ZNF165: variants seen among roughly 807,000 people sequenced by gnomAD.
The protein encoded by ZNF165 is zinc finger protein 165, also known as cancer/testis antigen 53.
A neutral mutation model predicts 19.6 loss-of-function variants in ZNF165; 14 were observed. That is an observed-to-expected ratio of 0.71 (90% CI 0.47 to 1.12). The LOEUF (loss-of-function observed/expected upper bound fraction) is 1.12, where lower values mean the gene tolerates loss of function less well. Among genes scored for constraint, ZNF165 ranks in the 50% most tolerant of loss-of-function variants. The probability of loss-of-function intolerance (pLI) is 0.00; values close to 1 mark genes in which losing one functional copy is unlikely to be tolerated. For synonymous variants in ZNF165, 165 were observed against 195.0 expected (o/e 0.85, Z 1.28); for missense variants, 504 against 566.3 (o/e 0.89, Z 1.12).
Position 28,089,123 on chromosome 6 carries a change from T to C in ZNF165, c.1111T>C (p.Cys371Arg), listed in dbSNP as rs2113689900. 1.2e-6 allele frequency: 2 copies of C among 1,614,078 alleles called. No homozygotes were observed. The highest frequency in any genetic ancestry group is 2.2e-5 in the East Asian group (1 of 44,882). ...RHQRIHTGER[C>R]YECNECGKSF... ...TCAGAGAATCCACACTGGAGAGAGA[T>C]GCTATGAATGTAATGAATGTGGGAA... Residue 371 changes from cysteine to arginine, a missense_variant, in exon 4 of 4, where the codon TGC becomes CGC. By Grantham distance (180) the Cys-to-Arg change is radical. Transcript: ENST00000683778.
At chr6:28,087,833 G>A (rs1234800371) in intron 3 of ZNF165, among the ~76,000 whole-genome samples, 4 of 152,138 alleles carry the variant, frequency 2.6e-5, no homozygotes, top group African/African-American at 9.7e-5. Context: ...AGAGATTCAA[G>A]GTTTTTGAGT....
At chr6:28,086,135 T>C in intron 2 of ZNF165, 37 bp from the exon 3 acceptor site, 1 of 1,585,996 alleles carries the variant, frequency 6.3e-7, no homozygotes, top group Non-Finnish European at 8.6e-7. Context: ...AACACAGGGA[T>C]TCTTTTATAA....
In ZNF165 at chr6:28,088,551, T is replaced by C. The variant is rs1764343633; in HGVS notation, c.551-12T>C. ...GCAAACAGGTAATATTTCCCTTTCTTTTTTATTTTAGATAATGAGAGTGAA... is the reference window on the plus strand; with the variant it reads ...GCAAACAGGTAATATTTCCCTTTCTCTTTTATTTTAGATAATGAGAGTGAA... On this transcript the variant is annotated splice_polypyrimidine_tract_variant and intron_variant, in intron 3 of 3. Coordinates refer to ENST00000683778, the MANE Select transcript of ZNF165 (RefSeq NM_001376491.1). 6.4e-7 allele frequency: 1 copy of C among 1,564,172 alleles called. No homozygotes were observed. Among genetic ancestry groups the C allele is most frequent in the Admixed American group, 2.1e-5 (1 of 47,942 alleles).
chr6:28,088,526 G>T (rs764662386), intron 3 of ZNF165, 37 bp from the exon 4 acceptor site: 1 of 1,538,916 alleles, frequency 6.5e-7, no homozygotes, highest in Admixed American at 2.2e-5. Context: ...TTTTCGTGCA[G>T]CAAACAGGTA....
Position 28,089,055 on chromosome 6 carries a change from A to C in ZNF165, c.1043A>C (p.Glu348Ala), listed in dbSNP as rs1403573975. The stretch of plus-strand genomic sequence containing the variant: ...GGAGATAAAACTCATCAGTGTAATG[A>C]ATGTGGGAAAGCTTTCAGGCACAGC... ...FSGDKTHQCN[E>A]CGKAFRHSSK... Residue 348 changes from glutamate (E) to alanine (A), a missense_variant, in exon 4 of 4, where the codon GAA becomes GCA. Transcript: ENST00000683778. The C allele has an allele frequency of 6.2e-7, 1 of 1,614,216 alleles. No individual in the cohort carries two copies. The highest frequency in any genetic ancestry group is 8.5e-7 in the Non-Finnish European group (1 of 1,180,034).
intron 1 of ZNF165, among the ~76,000 whole-genome samples, chr6:28,083,262 GT>G (rs1764196016): frequency 6.6e-6 from 1 of 152,164 alleles, no homozygotes. Context: ...AATACAGTGA[GT>G]TCTAAATTTC....
chr6:28,082,073 C>G (rs1482869347), intron 1 of ZNF165, among the ~76,000 whole-genome samples: 10 of 152,084 alleles, frequency 6.6e-5, no homozygotes, highest in African/African-American at 2.4e-4. Context: ...GGAAACATAA[C>G]CAGAAATATC....
rs568217840 is a variant in ZNF165, at chr6:28,087,613, G to GTA, written c.551-945_551-944dup. ...TGTTCTGGAAACATCTCCATCTGTC[G>GTA]TATATAAAATTGTAAATTTCCCTCA... On this transcript the variant is annotated intron_variant, in intron 3 of 3. Transcript: ENST00000683778. 1.3e-4 allele frequency among the ~76,000 whole-genome samples: 20 copies of GTA among 152,170 alleles called. No homozygotes were observed. The South Asian group carries it at 3.1e-3, about 24-fold the overall frequency.
intron 2 of ZNF165, 78 bp downstream of exon 2, chr6:28,085,969 A>G: frequency 2.6e-6 from 4 of 1,562,324 alleles, no homozygotes; most frequent in Non-Finnish European, 3.4e-6. Flanking sequence ...GAGATTGCAT[A>G]TCTAGCTTGC....
rs750432428 is a variant in ZNF165, at chr6:28,088,734, CAG to C, written c.723_724del (p.Glu243ValfsTer10). 9 of 1,614,100 alleles carry C rather than the reference CAG, an allele frequency of 5.6e-6. No individual in the cohort carries two copies. Among genetic ancestry groups the C allele is most frequent in the Non-Finnish European group, 7.6e-6 (9 of 1,180,012 alleles). On this transcript the variant is annotated frameshift_variant, in exon 4 of 4. Transcript: ENST00000683778. LOFTEE classifies it low-confidence loss of function (END_TRUNC). ...GTAAAGAGACAATGGGAAAAAGAATCAGGGGAGTCTCAGAGACTCTCGTCTGC... is the reference window on the plus strand; with the variant it reads ...GTAAAGAGACAATGGGAAAAAGAATCGGGAGTCTCAGAGACTCTCGTCTGC...
At chr6:28,086,094 G>A (rs776701579) in intron 2 of ZNF165, 78 bp from the exon 3 acceptor site, 104 of 1,549,250 alleles carry the variant, frequency 6.7e-5, no homozygotes, top group Middle Eastern at 1.8e-4. Flanking sequence ...GCATTTCTAT[G>A]GGAGTTTCTC....
At position 28,085,508 on chromosome 6, in the gene ZNF165, G is replaced by A. The variant is rs1184779127; in HGVS notation, c.28G>A (p.Ala10Thr). 6.2e-7 allele frequency: 1 copy of A among 1,613,982 alleles called. No homozygotes were observed. The highest frequency in any genetic ancestry group is 1.1e-5 in the South Asian group (1 of 91,052). MATEPKKAA[A>T]QNSPEDEGLL... ...GGCTACAGAACCAAAGAAAGCTGCAGCCCAGAACTCTCCAGAGGATGAAGG... is the reference window on the plus strand; with the variant it reads ...GGCTACAGAACCAAAGAAAGCTGCAACCCAGAACTCTCCAGAGGATGAAGG... The change falls in exon 2 of 4, where the codon GCC becomes ACC. Residue 10 changes from alanine (A) to threonine (T), a missense_variant. By Grantham distance (58) the Ala-to-Thr change is moderately conservative. Transcript: ENST00000683778.
intron 1 of ZNF165, 61 bp from the exon 2 acceptor site, chr6:28,085,420 G>C: frequency 6.6e-7 from 1 of 1,523,740 alleles, no homozygotes; most frequent in Non-Finnish European, 8.9e-7. Flanking sequence ...CCCTCAGGAG[G>C]ACTCTTGAAA....
rs34390897 is a variant in ZNF165, at chr6:28,080,665, C to CT, written c.-305dup. On this transcript the variant is annotated 5_prime_UTR_variant, in exon 1 of 4. Coordinates refer to ENST00000683778, the MANE Select transcript of ZNF165 (RefSeq NM_001376491.1). ...GTCTCGGCCTCCCAAAGTGCTGGGA[C>CT]TGCAGGCGTGAGCCACCGCGCCCGG... 35,717 of 151,238 alleles carry CT rather than the reference C, an allele frequency of 0.24. 4,396 individuals carry two copies. Among genetic ancestry groups the CT allele is most frequent in the African/African-American group, 0.3 (12,406 of 41,060 alleles). The allele number at this position is 151,238 out of a possible 1,614,324, so 9.4% of individuals were successfully genotyped here.
At chr6:28,082,717 C>A (rs1258417741) in intron 1 of ZNF165, among the ~76,000 whole-genome samples, 2 of 152,202 alleles carry the variant, frequency 1.3e-5, no homozygotes, top group Non-Finnish European at 2.9e-5. Context: ...TTGTTCATGG[C>A]CAGTTTTGGG....
At chr6:28,087,037 C>T (rs1228423003) in intron 3 of ZNF165, among the ~76,000 whole-genome samples, 1 of 152,084 alleles carries the variant, frequency 6.6e-6, no homozygotes, top group East Asian at 1.9e-4. Flanking sequence ...CCATATTTTT[C>T]CTGTTATGCT....
In ZNF165 at chr6:28,089,228, G is replaced by A; in HGVS notation, c.1216G>A (p.Gly406Arg). The stretch of plus-strand genomic sequence containing the variant: ...AAGACCCTTTGGTTGCAAAGAATGT[G>A]GGAGAGCATTCAACCTGAACTCACA... ...GERPFGCKEC[G>R]RAFNLNSHLI... is the part of the protein sequence containing the mutation. The change falls in exon 4 of 4, where the codon GGG (glycine) becomes AGG (arginine). Residue 406 changes from glycine (G) to arginine (R), a missense_variant. Coordinates refer to ENST00000683778, the MANE Select transcript of ZNF165 (RefSeq NM_001376491.1). 1 of 1,614,162 alleles carries A rather than the reference G, an allele frequency of 6.2e-7. No homozygotes were observed. The highest frequency in any genetic ancestry group is 8.5e-7 in the Non-Finnish European group (1 of 1,180,030).
chr6:28,082,904 T>C (rs1386451966), intron 1 of ZNF165, among the ~76,000 whole-genome samples: 2 of 152,272 alleles, frequency 1.3e-5, no homozygotes, highest in Non-Finnish European at 2.9e-5. Context: ...CATCTGAAAC[T>C]TTCCTAATTT....
At chr6:28,084,833 C>G (rs1200855849) in intron 1 of ZNF165, among the ~76,000 whole-genome samples, 3 of 152,128 alleles carry the variant, frequency 2.0e-5, no homozygotes, top group Non-Finnish European at 4.4e-5. Flanking sequence ...AAGATAAACT[C>G]CAAATTCATG....
Sources: allele counts gnomAD v4.1 joint callset (sites outside exome capture counted in the v4.1 genomes callset), GRCh38; gene constraint gnomAD v4.1.1; transcripts MANE v1.5; gene names NCBI Gene and HGNC (gene_info 2026-07-23, HGNC 2026-07-21).